The following RWDD2B variants were observed in gnomAD, a reference collection of about 807,000 sequenced individuals.
RWDD2B encodes RWD domain-containing protein 2B.
A neutral mutation model predicts 33.6 loss-of-function variants in RWDD2B; 36 were observed. That is an observed-to-expected ratio of 1.07 (90% CI 0.82 to 1.42). The LOEUF is 1.42. RWDD2B is among the 40% of genes most tolerant of loss of function. RWDD2B has a pLI of 0.00. For synonymous variants in RWDD2B, 126 were observed against 133.1 expected, an observed-to-expected ratio of 0.95 and a Z score of 0.37; for missense variants, 364 against 377.5, an observed-to-expected ratio of 0.96 and a Z score of 0.30.
chr21:29,015,676 T>C (rs2084886844), intron 1 of RWDD2B, among the ~76,000 whole-genome samples: 1 of 151,326 alleles, frequency 6.6e-6, no homozygotes, highest in South Asian at 2.1e-4. Context: ...ATTACAGGTG[T>C]TCGCCACCAC....
chr21:29,008,500 A>C lies in RWDD2B; in HGVS notation c.189T>G (p.Ala63=). 1.2e-6 allele frequency: 2 copies of C among 1,614,182 alleles called. No individual in the cohort carries two copies. Among genetic ancestry groups the C allele is most frequent in the Non-Finnish European group, 1.7e-6 (2 of 1,180,014 alleles). ...ENELIVNDQL[A]VAELKDCIEK... Reference sequence around the variant, plus strand: ...CAATACAATCTTTCAGTTCTGCTACAGCCAGCTGGTCATTCACTATGAGCT... The same window carrying C: ...CAATACAATCTTTCAGTTCTGCTACCGCCAGCTGGTCATTCACTATGAGCT... The change falls in exon 2 of 5, where the codon GCT becomes GCG. Residue 63 remains alanine, a synonymous_variant. Coordinates refer to ENST00000493196, the MANE Select transcript of RWDD2B (RefSeq NM_016940.3).
chr21:29,013,214 A>T (rs1037185996), intron 1 of RWDD2B, among the ~76,000 whole-genome samples: 9 of 152,112 alleles, frequency 5.9e-5, no homozygotes, highest in Non-Finnish European at 1.0e-4. Flanking sequence ...TACCCAGCTA[A>T]CTAATACTCA....
rs1182187902 is a variant in RWDD2B, at chr21:29,012,122, G to A, written c.68-3501C>T. On this transcript the variant is annotated intron_variant, in intron 1 of 4. Transcript: ENST00000493196. Reference sequence around the variant, plus strand: ...GCCCCGTCCGGGAGGGAGGTTGGGGGGTCAGCCCCCCGCCCGGCCAGCCGC... The same window carrying A: ...GCCCCGTCCGGGAGGGAGGTTGGGGAGTCAGCCCCCCGCCCGGCCAGCCGC... Among the ~76,000 whole-genome samples the A allele has an allele frequency of 1.4e-3, 195 of 143,912 alleles. 3 individuals are homozygous for A. Among genetic ancestry groups the A allele is most frequent in the African/African-American group, 4.8e-3 (185 of 38,622 alleles). 94.4% of individuals were successfully genotyped at this position (143,912 alleles called of 152,430 possible).
intron 1 of RWDD2B, among the ~76,000 whole-genome samples, chr21:29,017,004 G>A (rs141448330): frequency 6.6e-6 from 1 of 151,894 alleles, no homozygotes; most frequent in Non-Finnish European, 1.5e-5. Context: ...TGTCACCCAG[G>A]CCAGAGTGCA....
intron 1 of RWDD2B, among the ~76,000 whole-genome samples, chr21:29,014,584 G>A (rs2084880353): frequency 6.6e-6 from 1 of 152,150 alleles, no homozygotes; most frequent in Non-Finnish European, 1.5e-5. Flanking sequence ...CACTTTGGGA[G>A]GCCAAGGCAG....
chr21:29,005,239 A>G lies in RWDD2B; in HGVS notation c.*1178T>C, dbSNP rs1355108914. ...TGATGAATTGTTGAGGCTTGTTAAA[A>G]AAGTTTAAGCCCTACTAATGCCTCA... On this transcript the variant is annotated 3_prime_UTR_variant, in exon 5 of 5. Coordinates refer to ENST00000493196, the MANE Select transcript of RWDD2B (RefSeq NM_016940.3). 1 of 152,226 alleles carries G rather than the reference A, an allele frequency of 6.6e-6. No individual in the cohort carries two copies. Among genetic ancestry groups the G allele is most frequent in the Non-Finnish European group, 1.5e-5 (1 of 68,042 alleles). 9.4% of individuals were successfully genotyped at this position (152,226 alleles called of 1,614,324 possible). A position where few individuals can be genotyped will look rare whatever the true frequency, so the allele number is the denominator to read the frequency against.
chr21:29,018,796 G>A (rs567069266), intron 1 of RWDD2B, among the ~76,000 whole-genome samples: 129 of 152,276 alleles, frequency 8.5e-4, no homozygotes, highest in African/African-American at 2.9e-3. Flanking sequence ...TTCAAGATCA[G>A]CCTGGGTAAC....
Position 29,019,298 on chromosome 21 carries a change from C to T in RWDD2B, c.-21G>A. ...TTCATCAGAAGGGAGCCTCAAAATT[C>T]TAGCATACTGCGACCCAAAACTTAC... On this transcript the variant is annotated 5_prime_UTR_variant, in exon 1 of 5. Transcript: ENST00000493196. 6.3e-7 allele frequency: 1 copy of T among 1,577,444 alleles called. No homozygotes were observed. Among genetic ancestry groups the T allele is most frequent in the Non-Finnish European group, 8.6e-7 (1 of 1,157,988 alleles).
At position 29,007,975 on chromosome 21, in the gene RWDD2B, AAG is replaced by A; in HGVS notation, c.509_510del (p.Thr170IlefsTer14). 1 of 1,614,248 alleles carries A rather than the reference AAG, an allele frequency of 6.2e-7. No individual in the cohort carries two copies. Among genetic ancestry groups the A allele is most frequent in the South Asian group, 1.1e-5 (1 of 91,082 alleles). ...EHASGYVSRD[T>X]SSSPTTGSTV... ...GTGCTTCCTGTGGTGGGTGAAGATG[AAG>A]TATCTCTGCTGACATAGCCAGAGGC... On this transcript the variant is annotated frameshift_variant, in exon 4 of 5. Transcript: ENST00000493196. LOFTEE classifies it high-confidence loss of function.
chr21:29,006,645 TCTGAGTC>T lies in RWDD2B; in HGVS notation c.726-1_731del, dbSNP rs771108543. The T allele has an allele frequency of 1.7e-5, 27 of 1,585,426 alleles. No individual in the cohort carries two copies. In the Admixed American group the frequency reaches 3.8e-4, roughly 23 times the overall value. On this transcript the variant is annotated splice_acceptor_variant and coding_sequence_variant, in exon 5 of 5. Coordinates refer to ENST00000493196, the MANE Select transcript of RWDD2B (RefSeq NM_016940.3). LOFTEE classifies it high-confidence loss of function. ...TTAAAATTCTCTTCCAGTTTAATTTTCTGAGTCTGAAAAGAAATTTCCAAAGTAAACA... is the reference window on the plus strand; with the variant it reads ...TTAAAATTCTCTTCCAGTTTAATTTTTGAAAAGAAATTTCCAAAGTAAACA...
chr21:29,008,456 C>T lies in RWDD2B; in HGVS notation c.233G>A (p.Gly78Glu). ...KDCIEKKTME[G>E]RSSKVYFTIN... ...AGTAAAGTAGACTTTTGAAGATCGCCCCTCCATTGTCTTCTTTTCAATACA... is the reference window on the plus strand; with the variant it reads ...AGTAAAGTAGACTTTTGAAGATCGCTCCTCCATTGTCTTCTTTTCAATACA... The change falls in exon 2 of 5, where the codon GGG (glycine) becomes GAG (glutamate). Residue 78 changes from glycine to glutamate, a missense_variant. Transcript: ENST00000493196. 6.2e-7 allele frequency: 1 copy of T among 1,614,118 alleles called. No individual in the cohort carries two copies. Among genetic ancestry groups the T allele is most frequent in the Non-Finnish European group, 8.5e-7 (1 of 1,180,026 alleles).
At chr21:29,017,544 G>A (rs766406576) in intron 1 of RWDD2B, among the ~76,000 whole-genome samples, 14 of 151,980 alleles carry the variant, frequency 9.2e-5, no homozygotes, top group East Asian at 1.9e-4. Context: ...CTGGGGAGGC[G>A]GAGGTTGCAG....
At chr21:29,012,229 G>A (rs1415015369) in intron 1 of RWDD2B, among the ~76,000 whole-genome samples, 4 of 151,714 alleles carry the variant, frequency 2.6e-5, no homozygotes, top group African/African-American at 4.8e-5. Flanking sequence ...CTACTGGGAA[G>A]TGAGGAGCCC....
At chr21:29,009,144 G>A (rs959662829) in intron 1 of RWDD2B, among the ~76,000 whole-genome samples, 5 of 152,172 alleles carry the variant, frequency 3.3e-5, no homozygotes, top group African/African-American at 9.7e-5. Flanking sequence ...CTGGAGTGCA[G>A]TGGCATGATC....
intron 1 of RWDD2B, among the ~76,000 whole-genome samples, chr21:29,015,381 C>T (rs745863791): frequency 7.9e-5 from 12 of 151,912 alleles, no homozygotes; most frequent in Non-Finnish European, 1.8e-4. Context: ...CAGGCGCACA[C>T]CACTACGCCC....
chr21:29,015,224 GTTTT>G (rs71189334), intron 1 of RWDD2B, among the ~76,000 whole-genome samples: 1 of 64,812 alleles, frequency 1.5e-5, no homozygotes, highest in East Asian at 5.2e-4. Flanking sequence ...ATTATGATGC[GTTTT>G]TTTTTTTTTT....
At chr21:29,011,276 C>A (rs548242751) in intron 1 of RWDD2B, among the ~76,000 whole-genome samples, 1 of 151,420 alleles carries the variant, frequency 6.6e-6, no homozygotes, top group African/African-American at 2.4e-5. Context: ...CGTCTCTGCC[C>A]GGCCGCCCAT....
intron 1 of RWDD2B, 129 bp downstream of exon 1, chr21:29,019,082 G>A (rs1179254677): frequency 2.7e-6 from 2 of 727,664 alleles, no homozygotes; most frequent in Admixed American, 5.4e-5. Flanking sequence ...CGAGCCGACC[G>A]ATGGGCGCAT....
chr21:29,011,958 A>G (rs1330973143), intron 1 of RWDD2B, among the ~76,000 whole-genome samples: 7 of 71,468 alleles, frequency 9.8e-5, no homozygotes, highest in African/African-American at 2.8e-4. Context: ...TCAGCCCCCG[A>G]CCCGGCCAGC....
Sources: gnomAD v4.1 joint callset for allele counts (sites outside exome capture counted in the v4.1 genomes callset) on GRCh38, gnomAD v4.1.1 for gene constraint, MANE v1.5 for transcripts, NCBI Gene and HGNC (gene_info 2026-07-23, HGNC 2026-07-21) for gene names.